TRHDE: variants seen among roughly 807,000 people sequenced by gnomAD.
TRHDE encodes the protein thyrotropin-releasing hormone-degrading ectoenzyme.
Under a neutral mutation model 125.7 loss-of-function variants are expected in TRHDE, and 72 were observed. The observed-to-expected ratio is 0.57, with a 90% CI of 0.47 to 0.70. The LOEUF is 0.70. Among genes scored for constraint, TRHDE ranks in the 30% least tolerant of loss-of-function variants. The pLI is 0.00. For synonymous variants in TRHDE, 509 were observed against 509.1 expected, an observed-to-expected ratio of 1.00 and a Z score of 0.00; for missense variants, 1,110 against 1,327.1, an observed-to-expected ratio of 0.84 and a Z score of 2.54.
intron 2 of TRHDE, among the ~76,000 whole-genome samples, chr12:72,112,128 G>T (rs1420969803): frequency 1.3e-5 from 2 of 152,154 alleles, no homozygotes; most frequent in African/African-American, 4.8e-5. Flanking sequence ...ATGAGCCACG[G>T]AGTATCTGGG....
At chr12:72,510,116 C>A (rs906958242) in intron 6 of TRHDE, among the ~76,000 whole-genome samples, 2 of 152,156 alleles carry the variant, frequency 1.3e-5, no homozygotes, top group African/African-American at 4.8e-5. Context: ...TGTCTCTTCC[C>A]TCTCCTGCCT....
chr12:72,409,276 C>G (rs1002957554), intron 3 of TRHDE, among the ~76,000 whole-genome samples: 2 of 151,754 alleles, frequency 1.3e-5, no homozygotes, highest in African/African-American at 4.8e-5. Context: ...AATTGCATAC[C>G]CAGGGAAGAT....
intron 3 of TRHDE, among the ~76,000 whole-genome samples, chr12:72,389,269 C>G (rs747706469): frequency 1.2e-4 from 19 of 152,202 alleles, no homozygotes; most frequent in Admixed American, 3.3e-4. Context: ...AGGAGGAGAT[C>G]TGACTTGTGG....
chr12:72,494,608 C>T (rs1877823988), intron 5 of TRHDE, among the ~76,000 whole-genome samples: 1 of 151,860 alleles, frequency 6.6e-6, no homozygotes, highest in African/African-American at 2.4e-5. Context: ...TCCTATTTTC[C>T]ATCCATCACC....
At chr12:72,526,179 G>A (rs1045918482) in intron 6 of TRHDE, among the ~76,000 whole-genome samples, 12 of 151,888 alleles carry the variant, frequency 7.9e-5, no homozygotes, top group African/African-American at 2.4e-4. Flanking sequence ...TGCAAATCAC[G>A]TTCAATATAA....
chr12:72,648,397 A>G (rs933987120), intron 15 of TRHDE, among the ~76,000 whole-genome samples: 8 of 152,162 alleles, frequency 5.3e-5, no homozygotes, highest in African/African-American at 1.7e-4. Flanking sequence ...AACCTTAGCC[A>G]GAGAAAATAG....
chr12:72,324,027 G>C (rs1053947278), intron 2 of TRHDE, among the ~76,000 whole-genome samples: 1 of 152,056 alleles, frequency 6.6e-6, no homozygotes, highest in African/African-American at 2.4e-5. Context: ...TGGTCTTCCT[G>C]ATGCCAGTTT....
At chr12:72,105,271 T>C (rs943175391) in intron 1 of TRHDE, among the ~76,000 whole-genome samples, 1 of 151,926 alleles carries the variant, frequency 6.6e-6, no homozygotes, top group African/African-American at 2.4e-5. Context: ...GCTCAAGTGG[T>C]TGGGGAGGTG....
intron 2 of TRHDE, among the ~76,000 whole-genome samples, chr12:72,320,542 A>ACT (rs1180121543): frequency 1.7e-5 from 1 of 57,720 alleles, no homozygotes. Flanking sequence ...CAGAGGGTTG[A>ACT]CTGTGTGTGT....
chr12:72,222,626 T>G (rs1032086408), intron 2 of TRHDE, among the ~76,000 whole-genome samples: 1 of 152,152 alleles, frequency 6.6e-6, no homozygotes, highest in Non-Finnish European at 1.5e-5. Flanking sequence ...AGAACCTCCA[T>G]TCTACATTAT....
intron 2 of TRHDE, among the ~76,000 whole-genome samples, chr12:72,129,067 C>A (rs1375397152): frequency 6.6e-6 from 1 of 151,982 alleles, no homozygotes; most frequent in Non-Finnish European, 1.5e-5. Context: ...TACAGAGGAA[C>A]AAAGAATAGG....
At chr12:72,500,325 GT>G (rs747662815) in intron 6 of TRHDE, among the ~76,000 whole-genome samples, 3 of 152,090 alleles carry the variant, frequency 2.0e-5, no homozygotes, top group Non-Finnish European at 4.4e-5. Flanking sequence ...CTTAATAATA[GT>G]TAAAATAGGA....
intron 6 of TRHDE, among the ~76,000 whole-genome samples, chr12:72,526,671 A>G (rs1348609363): frequency 6.6e-6 from 1 of 152,116 alleles, no homozygotes; most frequent in Non-Finnish European, 1.5e-5. Context: ...ACTAAATGTC[A>G]CTTTCATTAA....
At chr12:72,207,801 C>A (rs144769606) in intron 2 of TRHDE, among the ~76,000 whole-genome samples, 1 of 152,180 alleles carries the variant, frequency 6.6e-6, no homozygotes, top group Non-Finnish European at 1.5e-5. Flanking sequence ...TGCTTTGTAG[C>A]GCTTTTCTGT....
intron 6 of TRHDE, among the ~76,000 whole-genome samples, chr12:72,500,849 C>CTTTTTTTTTTTTTTTTTTTTTTTT (rs11314911): frequency 9.1e-6 from 1 of 109,356 alleles, no homozygotes; most frequent in African/African-American, 3.4e-5. Flanking sequence ...CAACTTTGTT[C>CTTTTTTTTTTTTTTTTTTTTTTTT]TTTTTTTTTT....
rs1872840395 is a variant in TRHDE, at chr12:72,616,951, G to C, written c.2322-1940G>C. Among the ~76,000 whole-genome samples, 3 of 151,894 alleles carry C rather than the reference G, an allele frequency of 2.0e-5. No individual in the cohort carries two copies. The South Asian group carries it at 6.2e-4, about 32-fold the overall frequency. On this transcript the variant is annotated intron_variant, in intron 12 of 18. Coordinates refer to ENST00000261180, the MANE Select transcript of TRHDE (RefSeq NM_013381.3). ...TACTGAAATCCATATTTCTTTTAAG[G>C]ACATAATCTAAAACATTATTTTAAT...
intron 2 of TRHDE, among the ~76,000 whole-genome samples, chr12:72,228,674 T>G (rs1306226392): frequency 6.6e-6 from 1 of 152,208 alleles, no homozygotes; most frequent in Admixed American, 6.5e-5. Flanking sequence ...GCTTTCCTTT[T>G]AAACATGAGT....
intron 2 of TRHDE, among the ~76,000 whole-genome samples, chr12:72,359,929 T>C (rs1163737973): frequency 6.6e-6 from 1 of 151,708 alleles, no homozygotes; most frequent in Non-Finnish European, 1.5e-5. Context: ...GACTAGCCAA[T>C]AGGAGACTAT....
intron 2 of TRHDE, among the ~76,000 whole-genome samples, chr12:72,292,866 A>G (rs1461532199): frequency 6.6e-6 from 1 of 152,238 alleles, no homozygotes; most frequent in Non-Finnish European, 1.5e-5. Context: ...ATGTAGCAAC[A>G]AAAAGTAACC....
Sources: allele counts gnomAD v4.1 joint callset (sites outside exome capture counted in the v4.1 genomes callset), GRCh38; gene constraint gnomAD v4.1.1; transcripts MANE v1.5; gene names NCBI Gene and HGNC (gene_info 2026-07-23, HGNC 2026-07-21).